The following ADCY2 variants were observed in gnomAD, a reference collection of about 807,000 sequenced individuals.
ADCY2 encodes the protein adenylate cyclase type 2.
In ADCY2, 31 loss-of-function variants were observed where a neutral mutation model predicts 125.2. The observed-to-expected ratio is 0.25, with a 90% confidence interval of 0.19 to 0.33. The LOEUF is 0.33. Ranked by LOEUF, ADCY2 falls within the 10% of genes least tolerant of loss-of-function variation. The pLI is 1.00. For missense variants in ADCY2, 904 were observed against 1,418.2 expected (o/e 0.64, Z 5.82); for synonymous variants, 512 against 548.4 (o/e 0.93, Z 0.93).
intron 3 of ADCY2, among the ~76,000 whole-genome samples, chr5:7,549,942 G>A (rs1735274497): frequency 6.6e-6 from 1 of 151,996 alleles, no homozygotes. Context: ...TTTTCTCACA[G>A]CTTCCCTCTT....
At chr5:7,527,179 A>C (rs1173079622) in intron 3 of ADCY2, among the ~76,000 whole-genome samples, 5 of 152,190 alleles carry the variant, frequency 3.3e-5, no homozygotes, top group Admixed American at 2.0e-4. Flanking sequence ...GGGTGGTGGC[A>C]GTGGTGTGGC....
chr5:7,651,791 TTTTA>T (rs796689635), intron 4 of ADCY2, among the ~76,000 whole-genome samples: 2 of 152,018 alleles, frequency 1.3e-5, no homozygotes, highest in South Asian at 4.2e-4. Context: ...CTTCACGTCT[TTTTA>T]TTTATTTATT....
intron 3 of ADCY2, among the ~76,000 whole-genome samples, chr5:7,591,314 A>G (rs961046734): frequency 6.6e-6 from 1 of 152,172 alleles, no homozygotes; most frequent in African/African-American, 2.4e-5. Flanking sequence ...CAATTTTTGT[A>G]TAACACCACC....
intron 4 of ADCY2, among the ~76,000 whole-genome samples, chr5:7,677,890 A>T (rs574823279): frequency 6.6e-6 from 1 of 152,338 alleles, no homozygotes; most frequent in South Asian, 2.1e-4. Context: ...GCGTGGGTGC[A>T]TAGCTGGTGA....
chr5:7,481,184 G>A (rs1381826784), intron 2 of ADCY2, among the ~76,000 whole-genome samples: 2 of 151,948 alleles, frequency 1.3e-5, no homozygotes, highest in Admixed American at 6.6e-5. Context: ...TTTTAACTGG[G>A]GTGAGATGAT....
At chr5:7,783,532 G>A (rs1279916319) in intron 18 of ADCY2, among the ~76,000 whole-genome samples, 31 of 151,914 alleles carry the variant, frequency 2.0e-4, no homozygotes, top group Non-Finnish European at 4.4e-5. Flanking sequence ...AGAGAAGCTG[G>A]AAAAATAAAA....
chr5:7,649,828 A>T (rs994609458), intron 4 of ADCY2, among the ~76,000 whole-genome samples: 5 of 152,014 alleles, frequency 3.3e-5, no homozygotes, highest in African/African-American at 1.2e-4. Flanking sequence ...CTCCTAAACC[A>T]ACTTTCCCCC....
intron 23 of ADCY2, among the ~76,000 whole-genome samples, chr5:7,819,389 G>A (rs1561040253): frequency 6.6e-6 from 1 of 152,166 alleles, no homozygotes; most frequent in Non-Finnish European, 1.5e-5. Context: ...TGCAGCATGG[G>A]ACCAGAACGG....
chr5:7,644,814 T>C (rs561203973), intron 4 of ADCY2, among the ~76,000 whole-genome samples: 7 of 152,296 alleles, frequency 4.6e-5, no homozygotes, highest in African/African-American at 1.7e-4. Flanking sequence ...TTCCCAAAGC[T>C]ACACCCTTAG....
chr5:7,703,018 A>C (rs1741140210), intron 7 of ADCY2, among the ~76,000 whole-genome samples: 1 of 152,302 alleles, frequency 6.6e-6, no homozygotes, highest in Admixed American at 6.5e-5. Context: ...TGGCTGCATA[A>C]ATGTCTTCTT....
At chr5:7,511,631 G>T in intron 2 of ADCY2, among the ~76,000 whole-genome samples, 1 of 151,958 alleles carries the variant, frequency 6.6e-6, no homozygotes, top group Admixed American at 6.6e-5. Flanking sequence ...GGGTTTTTTA[G>T]ATAGGGAGAT....
At chr5:7,722,707 C>T (rs1407742896) in intron 12 of ADCY2, among the ~76,000 whole-genome samples, 2 of 151,886 alleles carry the variant, frequency 1.3e-5, no homozygotes, top group Non-Finnish European at 2.9e-5. Flanking sequence ...GCCTGTAATC[C>T]CTGAACTTTG....
chr5:7,640,516 G>A (rs1476868180), intron 4 of ADCY2, among the ~76,000 whole-genome samples: 1 of 152,110 alleles, frequency 6.6e-6, no homozygotes, highest in Non-Finnish European at 1.5e-5. Flanking sequence ...AGAAAGAATT[G>A]ACAGATCTCT....
At chr5:7,646,838 G>A (rs1208082501) in intron 4 of ADCY2, among the ~76,000 whole-genome samples, 1 of 152,146 alleles carries the variant, frequency 6.6e-6, no homozygotes, top group African/African-American at 2.4e-5. Flanking sequence ...CAAGGCATAG[G>A]GTGGAGAATT....
chr5:7,704,878 C>CA (rs71591741), intron 7 of ADCY2, among the ~76,000 whole-genome samples: 429 of 91,026 alleles, frequency 4.7e-3, no homozygotes, highest in Admixed American at 6.4e-3. Flanking sequence ...ACTCCATCTC[C>CA]AAAAAAAAAA....
At position 7,564,576 on chromosome 5, in the gene ADCY2, G is replaced by T. The variant is rs140503620; in HGVS notation, c.570+43677G>T. Reference sequence around the variant, plus strand: ...AGCCCATCCTGTGTGCCATGTCCCTGCCTGTGATCTTCATAGTTGCATCAG... The same window carrying T: ...AGCCCATCCTGTGTGCCATGTCCCTTCCTGTGATCTTCATAGTTGCATCAG... On this transcript the variant is annotated intron_variant, in intron 3 of 24. Coordinates refer to ENST00000338316, the MANE Select transcript of ADCY2 (RefSeq NM_020546.3). Among the ~76,000 whole-genome samples the T allele has an allele frequency of 3.3e-4, 50 of 152,248 alleles. 1 individual carries two copies. Among genetic ancestry groups the T allele is most frequent in the African/African-American group, 1.1e-3 (46 of 41,566 alleles).
At chr5:7,444,276 G>T (rs1448852800) in intron 2 of ADCY2, among the ~76,000 whole-genome samples, 1 of 151,032 alleles carries the variant, frequency 6.6e-6, no homozygotes, top group African/African-American at 2.4e-5. Flanking sequence ...ACCACGCCTG[G>T]TTAATTTTTT....
intron 2 of ADCY2, among the ~76,000 whole-genome samples, chr5:7,489,239 G>A (rs1177862289): frequency 6.6e-6 from 1 of 152,110 alleles, no homozygotes; most frequent in East Asian, 1.9e-4. Flanking sequence ...AAACATACAA[G>A]GACAAGTAGG....
chr5:7,703,075 G>T (rs990363555), intron 7 of ADCY2, among the ~76,000 whole-genome samples: 6 of 149,124 alleles, frequency 4.0e-5, no homozygotes, highest in Non-Finnish European at 9.0e-5. Flanking sequence ...TGATGGGGTT[G>T]TTTGATTTTT....
Sources: allele counts gnomAD v4.1 joint callset (sites outside exome capture counted in the v4.1 genomes callset), GRCh38; gene constraint gnomAD v4.1.1; transcripts MANE v1.5; gene names NCBI Gene and HGNC (gene_info 2026-07-23, HGNC 2026-07-21).